L3MBTL4: variants seen among roughly 807,000 people sequenced by gnomAD.
L3MBTL4 encodes lethal(3)malignant brain tumor-like protein 4.
Under a neutral mutation model 84.5 loss-of-function variants are expected in L3MBTL4, and 70 were observed. The observed-to-expected ratio is 0.83, with a 90% CI of 0.68 to 1.01. The LOEUF (loss-of-function observed/expected upper bound fraction) is 1.01. Ranked by LOEUF, L3MBTL4 falls within the 50% of genes least tolerant of loss-of-function variation. L3MBTL4 has a pLI of 0.00. For synonymous variants in L3MBTL4, 274 were observed against 259.8 expected (o/e 1.05, Z -0.52); for missense variants, 715 against 754.8 (o/e 0.95, Z 0.62).
At chr18:6,144,508 T>C (rs889174008) in intron 13 of L3MBTL4, among the ~76,000 whole-genome samples, 2 of 152,192 alleles carry the variant, frequency 1.3e-5, no homozygotes, top group Non-Finnish European at 2.9e-5. Flanking sequence ...ATCTGAATAA[T>C]GAATAATGCT....
intron 15 of L3MBTL4, among the ~76,000 whole-genome samples, chr18:6,087,343 G>A (rs1351641366): frequency 1.3e-5 from 2 of 152,150 alleles, no homozygotes; most frequent in Non-Finnish European, 2.9e-5. Flanking sequence ...AGGGCTCAAA[G>A]GGGCCACCAT....
intron 10 of L3MBTL4, among the ~76,000 whole-genome samples, chr18:6,217,872 T>C (rs2046390312): frequency 6.6e-6 from 1 of 152,214 alleles, no homozygotes; most frequent in Non-Finnish European, 1.5e-5. Context: ...ATTTTACCCA[T>C]CGTTTTTACT....
At chr18:6,136,803 C>T (rs2060041625) in intron 14 of L3MBTL4, among the ~76,000 whole-genome samples, 1 of 152,150 alleles carries the variant, frequency 6.6e-6, no homozygotes, top group African/African-American at 2.4e-5. Context: ...TTCATTCTTT[C>T]CTTGCTTTGT....
chr18:6,116,546 CA>C (rs2059367178), intron 14 of L3MBTL4, among the ~76,000 whole-genome samples: 1 of 151,938 alleles, frequency 6.6e-6, no homozygotes, highest in African/African-American at 2.4e-5. Flanking sequence ...GTATTTTTAG[CA>C]GAGACAGGGT....
At chr18:6,104,366 T>C (rs2058930645) in intron 14 of L3MBTL4, among the ~76,000 whole-genome samples, 1 of 152,232 alleles carries the variant, frequency 6.6e-6, no homozygotes, top group Non-Finnish European at 1.5e-5. Flanking sequence ...AGATATGGTA[T>C]ATACATACAA....
intron 12 of L3MBTL4, among the ~76,000 whole-genome samples, chr18:6,189,921 ATCCCATAAG>A (rs2044987969): frequency 6.6e-6 from 1 of 152,214 alleles, no homozygotes; most frequent in Non-Finnish European, 1.5e-5. Context: ...TGCAACGATT[ATCCCATAAG>A]GAGAGGAGAT....
intron 14 of L3MBTL4, among the ~76,000 whole-genome samples, chr18:6,111,387 T>C (rs904239449): frequency 6.6e-6 from 1 of 152,180 alleles, no homozygotes; most frequent in African/African-American, 2.4e-5. Flanking sequence ...AAAAGTGACT[T>C]AGGATTTTTT....
rs1174191259 is a variant in L3MBTL4 at position 6,297,228 on chromosome 18, C to G, written c.127+4675G>C. 2.0e-5 allele frequency among the ~76,000 whole-genome samples: 3 copies of G among 152,092 alleles called. No homozygotes were observed. The East Asian group carries it at 5.8e-4, about 29-fold the overall frequency. On this transcript the variant is annotated intron_variant, in intron 4 of 18. Coordinates refer to ENST00000317931, the MANE Select transcript of L3MBTL4 (RefSeq NM_001330559.2). ...AGGAAATACTGTTGCTCTTAAGAAA[C>G]TTAGATGCTACTGGCGACTTCTGGA...
intron 4 of L3MBTL4, among the ~76,000 whole-genome samples, chr18:6,283,777 A>C (rs1366362228): frequency 6.6e-6 from 1 of 152,252 alleles, no homozygotes. Flanking sequence ...GGAAAAGCTA[A>C]GTATAATCAC....
chr18:6,113,613 G>T (rs1479697296), intron 14 of L3MBTL4, among the ~76,000 whole-genome samples: 2 of 151,880 alleles, frequency 1.3e-5, no homozygotes, highest in African/African-American at 4.8e-5. Flanking sequence ...TGTTTATTTT[G>T]CTTTATTTGG....
chr18:6,375,303 G>A (rs947355890), intron 1 of L3MBTL4, among the ~76,000 whole-genome samples: 32 of 152,154 alleles, frequency 2.1e-4, no homozygotes, highest in African/African-American at 6.7e-4. Flanking sequence ...TAAGGATAAA[G>A]TCCAGGCTGC....
intron 13 of L3MBTL4, among the ~76,000 whole-genome samples, chr18:6,168,715 A>G (rs1189023881): frequency 7.2e-5 from 11 of 152,282 alleles, no homozygotes; most frequent in Admixed American, 6.5e-4. Flanking sequence ...ACCTAAAACC[A>G]TAAAAACCCT....
intron 16 of L3MBTL4, among the ~76,000 whole-genome samples, chr18:6,005,296 A>C (rs899387429): frequency 6.6e-6 from 1 of 152,012 alleles, no homozygotes; most frequent in African/African-American, 2.4e-5. Flanking sequence ...CAGTGAGCTG[A>C]GATCACACCA....
chr18:6,265,502 A>G (rs2048590715), intron 4 of L3MBTL4, among the ~76,000 whole-genome samples: 1 of 152,242 alleles, frequency 6.6e-6, no homozygotes, highest in Non-Finnish European at 1.5e-5. Context: ...AGGAGGTTAA[A>G]GAAACTATTG....
At chr18:6,055,101 A>C (rs1286560823) in intron 16 of L3MBTL4, among the ~76,000 whole-genome samples, 1 of 152,326 alleles carries the variant, frequency 6.6e-6, no homozygotes, top group Non-Finnish European at 1.5e-5. Context: ...ATTTCATCTC[A>C]TGCCTATTTT....
intron 13 of L3MBTL4, among the ~76,000 whole-genome samples, chr18:6,169,901 A>T (rs968864480): frequency 6.6e-6 from 1 of 152,022 alleles, no homozygotes; most frequent in South Asian, 2.1e-4. Flanking sequence ...TTTTAGCTCA[A>T]TTTCAAATCT....
intron 13 of L3MBTL4, among the ~76,000 whole-genome samples, chr18:6,150,685 A>T (rs1200209047): frequency 3.3e-5 from 5 of 152,096 alleles, no homozygotes; most frequent in African/African-American, 1.2e-4. Flanking sequence ...TAGTTGATTC[A>T]CTGGTGGCTT....
At chr18:6,113,358 T>C (rs980592222) in intron 14 of L3MBTL4, among the ~76,000 whole-genome samples, 1 of 150,246 alleles carries the variant, frequency 6.7e-6, no homozygotes, top group Non-Finnish European at 1.5e-5. Context: ...TAACAAAGAC[T>C]GTAAAAGAAG....
intron 1 of L3MBTL4, among the ~76,000 whole-genome samples, chr18:6,386,761 G>A (rs1022430072): frequency 6.6e-6 from 1 of 152,174 alleles, no homozygotes; most frequent in South Asian, 2.1e-4. Flanking sequence ...TGCACAAAGG[G>A]GGAGAAGGCA....
Sources: gnomAD v4.1 joint callset for allele counts (sites outside exome capture counted in the v4.1 genomes callset) on GRCh38, gnomAD v4.1.1 for gene constraint, MANE v1.5 for transcripts, NCBI Gene and HGNC (gene_info 2026-07-23, HGNC 2026-07-21) for gene names.